The following RAD50 variants were observed in gnomAD, a reference collection of about 807,000 sequenced individuals.
The protein encoded by RAD50 is RAD50 double strand break repair protein, also known as DNA repair protein RAD50.
In RAD50, 132 loss-of-function variants were observed where a neutral mutation model predicts 168.8. That is an observed-to-expected ratio of 0.78 (90% confidence interval 0.68 to 0.90). The LOEUF is 0.90. Among genes scored for constraint, RAD50 ranks in the 40% least tolerant of loss-of-function variants. The probability of loss-of-function intolerance (pLI) is 0.00; values close to 1 mark genes in which losing one functional copy is unlikely to be tolerated. For synonymous variants in RAD50, 525 were observed against 497.4 expected (o/e 1.06, Z -0.74); for missense variants, 1,347 against 1,534.4 (o/e 0.88, Z 2.04).
chr5:132,581,840 T>A (rs1750510424), intron 5 of RAD50, among the ~76,000 whole-genome samples: 1 of 152,188 alleles, frequency 6.6e-6, no homozygotes, highest in South Asian at 2.1e-4. Context: ...CCGTGGTAAT[T>A]ACCAAGATAT....
At chr5:132,585,968 C>T (rs1374534212) in intron 5 of RAD50, among the ~76,000 whole-genome samples, 2 of 152,152 alleles carry the variant, frequency 1.3e-5, no homozygotes. Context: ...AACTGCTTTT[C>T]AGAGGACAGG....
intron 21 of RAD50, among the ~76,000 whole-genome samples, chr5:132,619,839 T>TATATATAAAG (rs1751249848): frequency 8.6e-6 from 1 of 116,294 alleles, no homozygotes; most frequent in Admixed American, 8.4e-5. Context: ...TCTCTCTCTA[T>TATATATAAAG]ATATATATAT....
intron 7 of RAD50, among the ~76,000 whole-genome samples, chr5:132,588,311 G>A (rs911221014): frequency 6.6e-6 from 1 of 152,118 alleles, no homozygotes; most frequent in Non-Finnish European, 1.5e-5. Flanking sequence ...AGGACAGGAG[G>A]GAGCTAGGTA....
At chr5:132,588,600 T>G in intron 7 of RAD50, 87 bp from the exon 8 acceptor site, 1 of 1,344,316 alleles carries the variant, frequency 7.4e-7, no homozygotes, top group African/African-American at 1.5e-5. Context: ...ACACACTGCA[T>G]TATTTTTTAT....
At chr5:132,575,363 G>T (rs1341490399) in intron 2 of RAD50, among the ~76,000 whole-genome samples, 4 of 152,166 alleles carry the variant, frequency 2.6e-5, no homozygotes, top group Admixed American at 6.5e-5. Context: ...GGAAAGACCT[G>T]TCCCCATGAT....
chr5:132,642,041 C>T, intron 24 of RAD50, 137 bp from the exon 25 acceptor site: 1 of 918,884 alleles, frequency 1.1e-6, no homozygotes, highest in Non-Finnish European at 1.7e-6. Flanking sequence ...GGGGCCACCC[C>T]TCCACTTCCT....
intron 21 of RAD50, among the ~76,000 whole-genome samples, chr5:132,622,821 G>C (rs1188008900): frequency 6.6e-6 from 1 of 151,282 alleles, no homozygotes; most frequent in Non-Finnish European, 1.5e-5. Flanking sequence ...AGACTCCCTT[G>C]TGACCTTTCC....
intron 15 of RAD50, 146 bp from the exon 16 acceptor site, chr5:132,604,660 G>A: frequency 1.4e-6 from 1 of 701,310 alleles, no homozygotes; most frequent in East Asian, 2.7e-5. Context: ...AACTAGCAGG[G>A]TTCTCATTGT....
In RAD50 at chr5:132,601,739, A is replaced by G. The variant is rs144215736; in HGVS notation, c.2208-1561A>G. The stretch of plus-strand genomic sequence containing the variant: ...TTGGAACCAACCCAAATGACCATCA[A>G]TGATAGACTAGATAAAGAAAATGTG... On this transcript the variant is annotated intron_variant, in intron 13 of 24. Coordinates refer to ENST00000378823, the MANE Select transcript of RAD50 (RefSeq NM_005732.4). Among the ~76,000 whole-genome samples, 1,105 of 152,332 alleles carry G rather than the reference A, an allele frequency of 7.3e-3. 10 individuals carry two copies. Among genetic ancestry groups the G allele is most frequent in the African/African-American group, 0.025 (1,053 of 41,558 alleles).
intron 21 of RAD50, among the ~76,000 whole-genome samples, chr5:132,620,185 G>A (rs1052065086): frequency 5.9e-5 from 9 of 152,148 alleles, no homozygotes; most frequent in Non-Finnish European, 8.8e-5. Flanking sequence ...GATTACAGGC[G>A]TGAGCTGCCA....
chr5:132,586,733 T>G (rs990328074), intron 5 of RAD50, among the ~76,000 whole-genome samples: 4 of 152,244 alleles, frequency 2.6e-5, no homozygotes, highest in African/African-American at 9.6e-5. Flanking sequence ...GGCATGGTGG[T>G]ACATACTTAT....
At chr5:132,574,133 T>C (rs1750354309) in intron 2 of RAD50, among the ~76,000 whole-genome samples, 2 of 152,226 alleles carry the variant, frequency 1.3e-5, no homozygotes, top group African/African-American at 4.8e-5. Flanking sequence ...TCTGTGGGGT[T>C]TCAACCCCAC....
chr5:132,611,453 C>T (rs1204970862), intron 19 of RAD50, among the ~76,000 whole-genome samples: 1 of 151,744 alleles, frequency 6.6e-6, no homozygotes, highest in African/African-American at 2.4e-5. Context: ...CGCCTGTAAT[C>T]CCAGCACTTT....
chr5:132,559,503 G>A (rs193072285), intron 2 of RAD50, 136 bp downstream of exon 2: 45 of 788,814 alleles, frequency 5.7e-5, no homozygotes, highest in South Asian at 4.0e-4. Flanking sequence ...AGTAGTAACC[G>A]TTGTTGACAT....
chr5:132,595,881 C>CAGAT, intron 13 of RAD50, 71 bp downstream of exon 13: 1 of 1,386,176 alleles, frequency 7.2e-7, no homozygotes, highest in Non-Finnish European at 1.0e-6. Context: ...CATGCCTGGG[C>CAGAT]AGATGGTAGT....
At chr5:132,594,741 A>C in intron 11 of RAD50, 128 bp from the exon 12 acceptor site, 8 of 971,270 alleles carry the variant, frequency 8.2e-6, no homozygotes, top group Non-Finnish European at 1.3e-5. Context: ...CTTCTGAAAA[A>C]AATTATTTGG....
chr5:132,572,873 A>G (rs1166171098), intron 2 of RAD50, among the ~76,000 whole-genome samples: 1 of 152,218 alleles, frequency 6.6e-6, no homozygotes, highest in East Asian at 1.9e-4. Context: ...AAGTCAAGTG[A>G]TTGACACCCC....
intron 16 of RAD50, among the ~76,000 whole-genome samples, chr5:132,606,175 A>G (rs2149848405): frequency 6.6e-6 from 1 of 152,324 alleles, no homozygotes; most frequent in Middle Eastern, 3.4e-3. Context: ...CAAAAAAATC[A>G]ATGAATCCAG....
intron 3 of RAD50, among the ~76,000 whole-genome samples, chr5:132,577,802 ATTTTTTTTTT>A (rs923754085): frequency 2.4e-5 from 2 of 84,380 alleles, no homozygotes; most frequent in South Asian, 3.8e-4. Context: ...CCCATTTCTG[ATTTTTTTTTT>A]TTTTTTTTTT....
Sources: gnomAD v4.1 joint callset for allele counts (sites outside exome capture counted in the v4.1 genomes callset) on GRCh38, gnomAD v4.1.1 for gene constraint, MANE v1.5 for transcripts, NCBI Gene and HGNC (gene_info 2026-07-23, HGNC 2026-07-21) for gene names.